Variants in EPHA6 observed in about 807,000 individuals in gnomAD.
EPHA6 encodes ephrin type-A receptor 6.
In EPHA6, 50 loss-of-function variants were observed where a neutral mutation model predicts 112.0. That is an observed-to-expected ratio of 0.45 (90% confidence interval 0.36 to 0.56). The LOEUF (loss-of-function observed/expected upper bound fraction) is 0.56. Ranked by LOEUF, EPHA6 falls within the 20% of genes least tolerant of loss-of-function variation. The probability of loss-of-function intolerance (pLI) is 0.00; values close to 1 mark genes in which losing one functional copy is unlikely to be tolerated. For missense variants in EPHA6, 1,280 were observed against 1,417.4 expected (o/e 0.90, Z 1.56); for synonymous variants, 529 against 490.7 (o/e 1.08, Z -1.03).
chr3:96,921,301 T>C (rs1416086218), intron 2 of EPHA6, among the ~76,000 whole-genome samples: 1 of 152,122 alleles, frequency 6.6e-6, no homozygotes, highest in African/African-American at 2.4e-5. Context: ...AATCCTTTTA[T>C]ATTTTTAATT....
intron 14 of EPHA6, among the ~76,000 whole-genome samples, chr3:97,687,506 C>T (rs951928916): frequency 2.7e-5 from 4 of 150,476 alleles, no homozygotes; most frequent in African/African-American, 7.5e-5. Flanking sequence ...TAAGCATAGT[C>T]TCTATTTCAG....
chr3:97,592,826 T>C, intron 12 of EPHA6, 89 bp downstream of exon 12: 2 of 1,335,048 alleles, frequency 1.5e-6, no homozygotes, highest in East Asian at 2.6e-5. Flanking sequence ...AAATGAATAT[T>C]GCTTAAATAT....
intron 11 of EPHA6, among the ~76,000 whole-genome samples, chr3:97,582,949 T>C (rs1010701742): frequency 6.6e-6 from 1 of 151,672 alleles, no homozygotes; most frequent in African/African-American, 2.4e-5. Context: ...CAATGTGATA[T>C]AGGTGACAGC....
At chr3:96,838,844 AAATAT>A (rs2034570374) in intron 1 of EPHA6, among the ~76,000 whole-genome samples, 3 of 152,046 alleles carry the variant, frequency 2.0e-5, no homozygotes, top group Admixed American at 2.0e-4. Context: ...CTCCCCCAAT[AAATAT>A]AATGTTTACT....
chr3:97,695,292 T>C (rs1327003208), intron 14 of EPHA6, among the ~76,000 whole-genome samples: 1 of 152,194 alleles, frequency 6.6e-6, no homozygotes, highest in African/African-American at 2.4e-5. Context: ...TATTAAAATG[T>C]CCTTTGAAGC....
intron 5 of EPHA6, among the ~76,000 whole-genome samples, chr3:97,400,542 A>T (rs2086935120): frequency 6.6e-6 from 1 of 151,598 alleles, no homozygotes; most frequent in Non-Finnish European, 1.5e-5. Context: ...AATACTAATT[A>T]TTTGAATCCA....
At chr3:96,936,963 T>A (rs928810477) in intron 2 of EPHA6, among the ~76,000 whole-genome samples, 3 of 152,238 alleles carry the variant, frequency 2.0e-5, no homozygotes, top group Non-Finnish European at 4.4e-5. Flanking sequence ...GGCTGCATAG[T>A]ATTCCATGGT....
chr3:97,189,027 G>C (rs1051606185), intron 3 of EPHA6, among the ~76,000 whole-genome samples: 4 of 151,796 alleles, frequency 2.6e-5, no homozygotes, highest in African/African-American at 7.3e-5. Flanking sequence ...AATTGAAAGA[G>C]TTGATCATTG....
chr3:97,324,053 A>G (rs1027890833), intron 5 of EPHA6, among the ~76,000 whole-genome samples: 1 of 152,020 alleles, frequency 6.6e-6, no homozygotes, highest in African/African-American at 2.4e-5. Context: ...AGGGGTTTAT[A>G]AGAATTTCTA....
At chr3:97,425,655 A>T (rs1254810617) in intron 6 of EPHA6, among the ~76,000 whole-genome samples, 2 of 152,200 alleles carry the variant, frequency 1.3e-5, no homozygotes, top group Non-Finnish European at 2.9e-5. Flanking sequence ...TGTCTTGGTG[A>T]TTAACATTGG....
intron 1 of EPHA6, among the ~76,000 whole-genome samples, chr3:96,835,108 T>C (rs534235326): frequency 3.6e-4 from 55 of 152,220 alleles, no homozygotes; most frequent in African/African-American, 1.3e-3. Context: ...TAGTAAGTTG[T>C]AGATTTGGAA....
At chr3:97,592,526 T>A in intron 11 of EPHA6, 86 bp from the exon 12 acceptor site, 2 of 1,502,484 alleles carry the variant, frequency 1.3e-6, no homozygotes, top group Non-Finnish European at 1.8e-6. Context: ...GATGTCTTTG[T>A]TGATTTTAGG....
chr3:97,691,442 C>T (rs1415253064), intron 14 of EPHA6, among the ~76,000 whole-genome samples: 1 of 152,184 alleles, frequency 6.6e-6, no homozygotes, highest in Admixed American at 6.5e-5. Context: ...CTTCACTTAA[C>T]TTTTAAATCA....
At chr3:97,423,969 C>T (rs2088886660) in intron 6 of EPHA6, among the ~76,000 whole-genome samples, 1 of 152,116 alleles carries the variant, frequency 6.6e-6, no homozygotes, top group African/African-American at 2.4e-5. Context: ...TTGAAACCGG[C>T]CCTCTTCTCT....
intron 2 of EPHA6, among the ~76,000 whole-genome samples, chr3:96,972,935 T>C (rs2042374631): frequency 6.6e-6 from 1 of 152,202 alleles, no homozygotes; most frequent in South Asian, 2.1e-4. Context: ...GTAAGAACTT[T>C]GGATGTATGT....
At chr3:97,680,191 G>A (rs1482708488) in intron 14 of EPHA6, among the ~76,000 whole-genome samples, 1 of 152,190 alleles carries the variant, frequency 6.6e-6, no homozygotes, top group Non-Finnish European at 1.5e-5. Flanking sequence ...GGAATGGACT[G>A]AGAAATTGGA....
intron 12 of EPHA6, 140 bp from the exon 13 acceptor site, chr3:97,610,653 G>T (rs890764724): frequency 5.8e-6 from 4 of 692,154 alleles, no homozygotes; most frequent in Admixed American, 5.5e-5. Context: ...ATATGAATAC[G>T]TTTATAGAAG....
At chr3:97,368,770 AGGT>A (rs1226665815) in intron 5 of EPHA6, among the ~76,000 whole-genome samples, 2 of 152,212 alleles carry the variant, frequency 1.3e-5, no homozygotes, top group Non-Finnish European at 2.9e-5. Context: ...TTGTACATAT[AGGT>A]ATTAGGTGCT....
chr3:97,436,186 T>C (rs1400849800), intron 6 of EPHA6, among the ~76,000 whole-genome samples: 1 of 152,104 alleles, frequency 6.6e-6, no homozygotes, highest in Non-Finnish European at 1.5e-5. Context: ...TTTGAAAACA[T>C]TGGGTTATTT....
Sources: allele counts gnomAD v4.1 joint callset (sites outside exome capture counted in the v4.1 genomes callset), GRCh38; gene constraint gnomAD v4.1.1; transcripts MANE v1.5; gene names NCBI Gene and HGNC (gene_info 2026-07-23, HGNC 2026-07-21).